The following RABGAP1L variants were observed in gnomAD, a reference collection of about 807,000 sequenced individuals.
RABGAP1L encodes RAB GTPase activating protein 1 like.
Under a neutral mutation model 137.7 loss-of-function variants are expected in RABGAP1L, and 63 were observed. The observed-to-expected ratio is 0.46, with a 90% CI of 0.37 to 0.56. RABGAP1L has a LOEUF of 0.56. Among genes scored for constraint, RABGAP1L ranks in the 20% least tolerant of loss-of-function variants. RABGAP1L has a pLI of 0.00. For synonymous variants in RABGAP1L, 431 were observed against 433.7 expected (o/e 0.99, Z 0.08); for missense variants, 1,095 against 1,244.0 (o/e 0.88, Z 1.80).
intron 19 of RABGAP1L, among the ~76,000 whole-genome samples, chr1:174,826,913 A>G (rs557915968): frequency 6.6e-6 from 1 of 152,274 alleles, no homozygotes; most frequent in African/African-American, 2.4e-5. Context: ...GCATTTCTTC[A>G]TATGTGTTTA....
intron 13 of RABGAP1L, among the ~76,000 whole-genome samples, chr1:174,496,949 G>A (rs1295140604): frequency 2.0e-5 from 3 of 152,140 alleles, no homozygotes; most frequent in Admixed American, 2.0e-4. Flanking sequence ...GATATAAAAT[G>A]TAGAAATGAA....
At chr1:174,511,708 C>T (rs769057415) in intron 13 of RABGAP1L, among the ~76,000 whole-genome samples, 4 of 151,768 alleles carry the variant, frequency 2.6e-5, no homozygotes, top group Non-Finnish European at 5.9e-5. Flanking sequence ...CCACAACCTC[C>T]GCCTCCCAGG....
intron 13 of RABGAP1L, among the ~76,000 whole-genome samples, chr1:174,629,841 A>G (rs999172313): frequency 6.6e-6 from 1 of 152,140 alleles, no homozygotes; most frequent in Non-Finnish European, 1.5e-5. Flanking sequence ...TTTATTAAGT[A>G]AGGACAAGGT....
chr1:174,172,175 C>CG (rs1665451825), intron 1 of RABGAP1L, among the ~76,000 whole-genome samples: 5 of 91,176 alleles, frequency 5.5e-5, no homozygotes, highest in African/African-American at 2.0e-4. Flanking sequence ...ATAATATTCC[C>CG]TTGTGTGTGT....
At chr1:174,604,754 G>A (rs572551443) in intron 13 of RABGAP1L, among the ~76,000 whole-genome samples, 1 of 152,294 alleles carries the variant, frequency 6.6e-6, no homozygotes, top group East Asian at 1.9e-4. Context: ...TAAGAAAAAT[G>A]GGTGCTCTTT....
intron 8 of RABGAP1L, among the ~76,000 whole-genome samples, chr1:174,274,719 A>T (rs1187559619): frequency 6.6e-6 from 1 of 151,296 alleles, no homozygotes; most frequent in Middle Eastern, 3.4e-3. Flanking sequence ...CCTTGAGTGT[A>T]TTTCATCTCT....
intron 13 of RABGAP1L, among the ~76,000 whole-genome samples, chr1:174,607,947 T>C (rs1670909645): frequency 6.6e-6 from 1 of 152,176 alleles, no homozygotes; most frequent in Admixed American, 6.5e-5. Flanking sequence ...CTTACGAAAG[T>C]GTGATTTTGA....
At chr1:174,744,173 C>T (rs1482926195) in intron 17 of RABGAP1L, among the ~76,000 whole-genome samples, 1 of 148,804 alleles carries the variant, frequency 6.7e-6, no homozygotes, top group Non-Finnish European at 1.5e-5. Flanking sequence ...AGAACAAAAC[C>T]CAAACATCAC....
At chr1:174,172,422 T>C (rs2148239999) in intron 1 of RABGAP1L, among the ~76,000 whole-genome samples, 1 of 152,322 alleles carries the variant, frequency 6.6e-6, no homozygotes, top group Non-Finnish European at 1.5e-5. Flanking sequence ...TTGAGGAACT[T>C]CTATACCATT....
At chr1:174,932,253 T>G (rs1253686856) in intron 19 of RABGAP1L, among the ~76,000 whole-genome samples, 3 of 143,538 alleles carry the variant, frequency 2.1e-5, no homozygotes, top group Non-Finnish European at 4.6e-5. Flanking sequence ...TACTTCTTTG[T>G]TTTTTTTTTT....
chr1:174,942,975 A>G lies in RABGAP1L; in HGVS notation c.2341-14482A>G, dbSNP rs1392474841. 2.0e-5 allele frequency among the ~76,000 whole-genome samples: 3 copies of G among 152,194 alleles called. No homozygotes were observed. The East Asian group carries it at 5.8e-4, about 29-fold the overall frequency. ...CTTCCTCTCAGCACCCAGCAGAATG[A>G]TTACATAACAGCCTTGCTTACACAA... On this transcript the variant is annotated intron_variant, in intron 19 of 25. Coordinates refer to ENST00000681986, the MANE Select transcript of RABGAP1L (RefSeq NM_001366446.1).
chr1:174,448,589 A>G lies in RABGAP1L; in HGVS notation c.1710+54444A>G, dbSNP rs1655062517. ...ACTGGTCACCCCTTGTCGCTTGAGA[A>G]TTTGCATTATTTTGATCTGGATCTA... On this transcript the variant is annotated intron_variant, in intron 13 of 25. Coordinates refer to ENST00000681986, the MANE Select transcript of RABGAP1L (RefSeq NM_001366446.1). This position sits in a 1 kb window ranked among gnomAD's most constrained non-coding sequence, Gnocchi z 4.2. 1 of 1,614,000 alleles carries G rather than the reference A, an allele frequency of 6.2e-7. No individual in the cohort carries two copies. Among genetic ancestry groups the G allele is most frequent in the South Asian group, 1.1e-5 (1 of 91,082 alleles).
At chr1:174,795,944 A>T (rs551567058) in intron 18 of RABGAP1L, among the ~76,000 whole-genome samples, 11 of 152,158 alleles carry the variant, frequency 7.2e-5, no homozygotes, top group Admixed American at 1.3e-4. Context: ...TGTGCATACT[A>T]CATGTGTTAA....
chr1:174,862,614 C>G (rs1405079308), intron 19 of RABGAP1L, among the ~76,000 whole-genome samples: 1 of 152,174 alleles, frequency 6.6e-6, no homozygotes, highest in Non-Finnish European at 1.5e-5. Context: ...CTAAACCTCT[C>G]TTACAGCCTA....
chr1:174,989,760 T>C, intron 25 of RABGAP1L, 89 bp from the exon 26 acceptor site: 1 of 1,415,300 alleles, frequency 7.1e-7, no homozygotes, highest in Non-Finnish European at 9.5e-7. Context: ...GCACATACCT[T>C]GAGACTCCAA....
At chr1:174,499,249 CTTAAA>C (rs78587044) in intron 13 of RABGAP1L, among the ~76,000 whole-genome samples, 31,815 of 151,516 alleles carry the variant, frequency 0.21, 3,633 homozygotes, top group Admixed American at 0.25. Flanking sequence ...GTTAAAAACA[CTTAAA>C]TTAAAAAAAT....
chr1:174,717,503 G>A (rs530762786), intron 17 of RABGAP1L, among the ~76,000 whole-genome samples: 4 of 152,164 alleles, frequency 2.6e-5, no homozygotes, highest in South Asian at 2.1e-4. Context: ...TTTTGTTCCC[G>A]TTAAATAGAA....
intron 12 of RABGAP1L, among the ~76,000 whole-genome samples, chr1:174,383,050 T>C (rs933521953): frequency 2.0e-5 from 3 of 151,328 alleles, no homozygotes; most frequent in African/African-American, 7.3e-5. Context: ...TACCCTGCGA[T>C]GTGAGGTGTC....
chr1:174,366,446 C>G (rs1242500925), intron 11 of RABGAP1L, among the ~76,000 whole-genome samples: 2 of 152,096 alleles, frequency 1.3e-5, no homozygotes, highest in African/African-American at 4.8e-5. Context: ...TAAACTGAGA[C>G]TAATTCCTGC....
Sources: allele counts gnomAD v4.1 joint callset (sites outside exome capture counted in the v4.1 genomes callset), GRCh38; gene constraint gnomAD v4.1.1; non-coding constraint Gnocchi (gnomAD v3.1); transcripts MANE v1.5; gene names NCBI Gene and HGNC (gene_info 2026-07-23, HGNC 2026-07-21).